The following PREX1 variants were observed in gnomAD, a reference collection of about 807,000 sequenced individuals.
PREX1 encodes phosphatidylinositol-3,4,5-trisphosphate dependent Rac exchange factor 1.
In PREX1, 41 loss-of-function variants were observed where a neutral mutation model predicts 198.3. The ratio of observed to expected loss-of-function variants is 0.21; its 90% CI spans 0.16 to 0.27. The LOEUF is 0.27. Ranked by LOEUF, PREX1 falls within the 10% of genes least tolerant of loss-of-function variation. The pLI, the probability that PREX1 is intolerant of heterozygous loss-of-function variation, is 1.00. For synonymous variants in PREX1, 843 were observed against 887.2 expected, an observed-to-expected ratio of 0.95 and a Z score of 0.89; for missense variants, 1,620 against 2,200.7, an observed-to-expected ratio of 0.74 and a Z score of 5.28.
At chr20:48,844,491 A>G in the PREX1 span, among the ~76,000 whole-genome samples, 1 of 152,184 alleles carries the variant, frequency 6.6e-6, no homozygotes, top group African/African-American at 2.4e-5. Context: ...CCAATCATGA[A>G]GAGGCATGTG....
the PREX1 span, among the ~76,000 whole-genome samples, chr20:48,840,355 G>GA: frequency 0.12 from 16,521 of 137,190 alleles, 1,020 homozygotes; most frequent in Middle Eastern, 0.2. Context: ...AAAAAAAAAA[G>GA]AAAAAAAAAA....
rs61748370 is a variant in PREX1, at chr20:48,650,014, C to T, written c.3010G>A (p.Gly1004Ser). The stretch of plus-strand genomic sequence containing the variant: ...CAGGTACCTTGCTCCGGGTCAAGGC[C>T]GATGAGGGAGGGTTTGCGTCCAAAG... The part of the protein sequence containing the change: ...IRFGRKPSLI[G>S]LDPEQGHLNP... Residue 1004 changes from glycine to serine, a missense_variant, in exon 24 of 40, where the codon GGC (glycine) becomes AGC (serine). Around this residue, in one of 7 missense-constraint regions of PREX1, gnomAD observed 514 missense variants for 611.6 expected, o/e 0.84. Coordinates refer to ENST00000371941, the MANE Select transcript of PREX1 (RefSeq NM_020820.4). The T allele has an allele frequency of 3.3e-5, 53 of 1,614,134 alleles. 2 individuals are homozygous for T. The highest frequency in any genetic ancestry group is 2.4e-4 in the South Asian group (22 of 91,086).
the PREX1 span, among the ~76,000 whole-genome samples, chr20:48,873,101 C>T: frequency 1.6e-4 from 25 of 152,134 alleles, no homozygotes; most frequent in African/African-American, 5.8e-4. Flanking sequence ...GGGCCTCTGG[C>T]CATTGGACTC....
chr20:48,632,776 G>A (rs1055394979), intron 33 of PREX1, 137 bp from the exon 34 acceptor site: 6 of 896,924 alleles, frequency 6.7e-6, no homozygotes, highest in Non-Finnish European at 1.0e-5. Flanking sequence ...CTGTTCTCCC[G>A]ACTCTACAGG....
intron 1 of PREX1, among the ~76,000 whole-genome samples, chr20:48,823,674 C>T (rs995578489): frequency 2.0e-5 from 3 of 152,192 alleles, no homozygotes; most frequent in Non-Finnish European, 4.4e-5. Context: ...GAATGGGAGT[C>T]ACAGAGGGCA....
At position 48,666,310 on chromosome 20, in the gene PREX1, G is replaced by A. The variant is rs1342231641; in HGVS notation, c.1711C>T (p.Leu571=). The stretch of plus-strand genomic sequence containing the variant: ...TGGTGCATGAAGCCATTGTTGCACA[G>A]ACCCACGCCGAGCGCCACTGCCTCC... ...REEAVALGVG[L]CNNGFMHHVL... The change falls in exon 15 of 40, where the codon CTG becomes TTG. Residue 571 remains leucine (L), a synonymous_variant. Transcript: ENST00000371941. The surrounding 1 kb of genome is among the most constrained non-coding windows in gnomAD (Gnocchi z 4.3). The A allele has an allele frequency of 6.4e-7, 1 of 1,570,404 alleles. No homozygotes were observed. Among genetic ancestry groups the A allele is most frequent in the African/African-American group, 1.4e-5 (1 of 73,616 alleles).
At chr20:48,856,807 C>A in the PREX1 span, among the ~76,000 whole-genome samples, 1 of 152,280 alleles carries the variant, frequency 6.6e-6, no homozygotes, top group East Asian at 1.9e-4. Flanking sequence ...TTCTCAACTT[C>A]TCCTTTGTGG....
At chr20:48,772,775 A>G (rs1313328254) in intron 1 of PREX1, among the ~76,000 whole-genome samples, 1 of 152,224 alleles carries the variant, frequency 6.6e-6, no homozygotes, top group Admixed American at 6.5e-5. Context: ...GCCAAGGCCA[A>G]TGGCGAAGTT....
intron 4 of PREX1, 96 bp from the exon 5 acceptor site, chr20:48,726,487 C>A: frequency 1.2e-6 from 1 of 868,996 alleles, no homozygotes; most frequent in Non-Finnish European, 1.9e-6. Flanking sequence ...AGCACAGCTA[C>A]AATCACTTGG....
At chr20:48,764,817 A>T (rs1457473878) in intron 1 of PREX1, among the ~76,000 whole-genome samples, 1 of 150,120 alleles carries the variant, frequency 6.7e-6, no homozygotes, top group African/African-American at 2.4e-5. Context: ...AAAGAAAAAG[A>T]GGGAGGTAGG....
chr20:48,850,259 A>G, the PREX1 span, among the ~76,000 whole-genome samples: 1 of 152,160 alleles, frequency 6.6e-6, no homozygotes, highest in Non-Finnish European at 1.5e-5. Context: ...ATTGCAGAGT[A>G]GAGAGTGACC....
chr20:48,850,993 A>AT, the PREX1 span, among the ~76,000 whole-genome samples: 5 of 152,190 alleles, frequency 3.3e-5, no homozygotes, highest in African/African-American at 1.2e-4. Flanking sequence ...AAAGAAGACT[A>AT]TTTCGTGACA....
At chr20:48,782,446 A>C (rs2090294057) in intron 1 of PREX1, among the ~76,000 whole-genome samples, 1 of 152,282 alleles carries the variant, frequency 6.6e-6, no homozygotes, top group Non-Finnish European at 1.5e-5. Flanking sequence ...CTGTGAGTCC[A>C]TTAAACCTCT....
At chr20:48,663,674 G>C (rs2089613322) in intron 15 of PREX1, among the ~76,000 whole-genome samples, 1 of 152,258 alleles carries the variant, frequency 6.6e-6, no homozygotes, top group Non-Finnish European at 1.5e-5. Flanking sequence ...GGAGTTTGCA[G>C]ATCTCTGAGT....
chr20:48,718,139 G>A (rs527775704), intron 5 of PREX1, among the ~76,000 whole-genome samples: 2 of 152,332 alleles, frequency 1.3e-5, no homozygotes, highest in East Asian at 3.9e-4. Flanking sequence ...ATCTGTGTTT[G>A]TGACCCTAGG....
At chr20:48,698,672 T>A (rs2089859514) in intron 7 of PREX1, among the ~76,000 whole-genome samples, 1 of 152,164 alleles carries the variant, frequency 6.6e-6, no homozygotes, top group Admixed American at 6.5e-5. Context: ...GTCCAGGCCC[T>A]CACAGGAAGG....
chr20:48,795,228 C>T (rs1217094380), intron 1 of PREX1, among the ~76,000 whole-genome samples: 4 of 152,122 alleles, frequency 2.6e-5, no homozygotes, highest in South Asian at 2.1e-4. Context: ...CTGGTTCTGC[C>T]ACGTATTTGC....
intron 1 of PREX1, among the ~76,000 whole-genome samples, chr20:48,789,476 A>G (rs994867811): frequency 1.3e-5 from 2 of 152,192 alleles, no homozygotes; most frequent in Non-Finnish European, 2.9e-5. Flanking sequence ...CAACACCCTT[A>G]GCAGTGGGTA....
intron 1 of PREX1, among the ~76,000 whole-genome samples, chr20:48,799,386 C>T (rs914742923): frequency 2.0e-5 from 3 of 152,244 alleles, no homozygotes; most frequent in East Asian, 1.9e-4. Context: ...AAGAGGAAAA[C>T]GTTCGAAACA....
Sources: allele counts gnomAD v4.1 joint callset (sites outside exome capture counted in the v4.1 genomes callset), GRCh38; gene constraint gnomAD v4.1.1; regional missense constraint gnomAD v4.1.1; non-coding constraint Gnocchi (gnomAD v3.1); transcripts MANE v1.5; gene names NCBI Gene and HGNC (gene_info 2026-07-23, HGNC 2026-07-21).